XPO4: variants seen among roughly 807,000 people sequenced by gnomAD.
XPO4 encodes the protein exportin-4.
XPO4 carries 39 observed loss-of-function variants against 143.0 expected under a neutral mutation model. That is an observed-to-expected ratio of 0.27 (90% CI 0.21 to 0.36). The LOEUF (loss-of-function observed/expected upper bound fraction) is 0.36, where lower values mean the gene tolerates loss of function less well. Among genes scored for constraint, XPO4 ranks in the 10% least tolerant of loss-of-function variants. The pLI is 1.00. For synonymous variants in XPO4, 439 were observed against 474.0 expected (o/e 0.93, Z 0.96); for missense variants, 907 against 1,348.0 (o/e 0.67, Z 5.12).
chr13:20,901,617 T>A (rs1482882798), intron 1 of XPO4, among the ~76,000 whole-genome samples: 2 of 152,236 alleles, frequency 1.3e-5, no homozygotes, highest in Non-Finnish European at 2.9e-5. Flanking sequence ...GACTTCTCGA[T>A]TTCTAAAGAA....
intron 1 of XPO4, among the ~76,000 whole-genome samples, chr13:20,900,933 C>T (rs527935952): frequency 6.6e-6 from 1 of 152,186 alleles, no homozygotes; most frequent in Admixed American, 6.6e-5. Flanking sequence ...TTTTTAATAA[C>T]ATGACACTTT....
intron 4 of XPO4, chr13:20,849,104 C>T (rs1176128088): frequency 1.3e-5 from 13 of 985,298 alleles, no homozygotes; most frequent in African/African-American, 1.7e-5. Flanking sequence ...ACACTAACTC[C>T]AGCTGACAAA....
intron 4 of XPO4, among the ~76,000 whole-genome samples, chr13:20,846,367 G>A (rs2060029166): frequency 1.3e-5 from 2 of 152,110 alleles, no homozygotes; most frequent in Non-Finnish European, 2.9e-5. Flanking sequence ...AGAGGGGCAG[G>A]GCAACGACAG....
intron 6 of XPO4, among the ~76,000 whole-genome samples, chr13:20,837,177 T>A (rs2059925891): frequency 6.6e-6 from 1 of 152,208 alleles, no homozygotes; most frequent in African/African-American, 2.4e-5. Flanking sequence ...TGACTATTGA[T>A]ACTTTGGGCC....
intron 1 of XPO4, among the ~76,000 whole-genome samples, chr13:20,889,051 G>A (rs373898904): frequency 1.3e-5 from 2 of 152,100 alleles, no homozygotes; most frequent in South Asian, 2.1e-4. Flanking sequence ...GACCTCAAGT[G>A]ATCCACCCAC....
At chr13:20,811,288 C>CTTT (rs769614867) in intron 9 of XPO4, among the ~76,000 whole-genome samples, 1 of 136,720 alleles carries the variant, frequency 7.3e-6, no homozygotes, top group African/African-American at 2.7e-5. Context: ...ATGCTTTTTT[C>CTTT]TTTTTTTTTT....
chr13:20,802,044 C>T (rs2059440489), intron 13 of XPO4, among the ~76,000 whole-genome samples: 1 of 152,092 alleles, frequency 6.6e-6, no homozygotes, highest in Admixed American at 6.6e-5. Context: ...TAAGGTTCCA[C>T]CCCAGAATCT....
At chr13:20,810,251 TTAAAA>T (rs1229712266) in intron 9 of XPO4, among the ~76,000 whole-genome samples, 3 of 152,066 alleles carry the variant, frequency 2.0e-5, no homozygotes, top group Non-Finnish European at 4.4e-5. Flanking sequence ...AAGAGAATTG[TTAAAA>T]TAAAAAAAAA....
In XPO4 at chr13:20,780,398, G is replaced by T. The variant is rs1222213648; in HGVS notation, c.*3324C>A. 6.6e-6 allele frequency: 1 copy of T among 152,084 alleles called. No individual in the cohort carries two copies. Among genetic ancestry groups the T allele is most frequent in the Non-Finnish European group, 1.5e-5 (1 of 68,028 alleles). 9.4% of individuals were successfully genotyped at this position (152,084 alleles called of 1,614,324 possible). A position where few individuals can be genotyped will look rare whatever the true frequency, so the allele number is the denominator to read the frequency against. ...AGCTAGTTCCCTTCAATACTTTAGG[G>T]GTTCATAGAAGTATTAACAGAAATG... On this transcript the variant is annotated 3_prime_UTR_variant, in exon 23 of 23. Transcript: ENST00000255305.
intron 4 of XPO4, among the ~76,000 whole-genome samples, chr13:20,853,943 T>C (rs1177760870): frequency 1.3e-5 from 2 of 152,108 alleles, no homozygotes; most frequent in African/African-American, 2.4e-5. Context: ...GCCACAAAAA[T>C]GGCATAAAAC....
At chr13:20,788,779 G>A (rs2059240343) in intron 19 of XPO4, among the ~76,000 whole-genome samples, 163 bp from the exon 20 acceptor site, 2 of 152,064 alleles carry the variant, frequency 1.3e-5, no homozygotes, top group South Asian at 4.2e-4. Context: ...TGTAAAAACA[G>A]GTACAAATAA....
rs576765525 is a variant in XPO4, at chr13:20,851,122, A to G, written c.456+4505T>C. The G allele has an allele frequency of 8.1e-4, 799 of 985,404 alleles. No homozygotes were observed. The Middle Eastern group carries it at 0.019, about 23-fold the overall frequency. 61.0% of individuals were successfully genotyped at this position (985,404 alleles called of 1,614,324 possible). A position where few individuals can be genotyped will look rare whatever the true frequency, so the allele number is the denominator to read the frequency against. On this transcript the variant is annotated intron_variant, in intron 4 of 22. Transcript: ENST00000255305. ...ATCTGAGACTATGAAAACATTAAGT[A>G]AATTCTTGAACCACTTACAAATTCT...
At chr13:20,869,616 T>C (rs1595147526) in intron 1 of XPO4, 2 of 781,208 alleles carry the variant, frequency 2.6e-6, no homozygotes, top group African/African-American at 1.9e-5. Context: ...ATAAATTATA[T>C]CAATTATGCA....
chr13:20,859,852 C>G lies in XPO4; in HGVS notation c.317+2865G>C, dbSNP rs2060180426. ...GCGATTATTTTGGATAATATAAGAG[C>G]CAGACACATATACATAATGAAAATT... On this transcript the variant is annotated intron_variant, in intron 3 of 22. Coordinates refer to ENST00000255305, the MANE Select transcript of XPO4 (RefSeq NM_022459.5). The G allele has an allele frequency of 1.5e-5, 15 of 979,368 alleles. No homozygotes were observed. The South Asian group carries it at 6.6e-4, about 43-fold the overall frequency. The allele number at this position is 979,368 out of a possible 1,614,324, so 60.7% of individuals were successfully genotyped here.
chr13:20,808,970 T>G (rs1343486834), intron 11 of XPO4, 113 bp downstream of exon 11: 1 of 1,204,210 alleles, frequency 8.3e-7, no homozygotes, highest in South Asian at 1.5e-5. Context: ...TTTGTTCCAG[T>G]GTGCTGGGAC....
chr13:20,854,065 TAGAC>T (rs2060116848), intron 4 of XPO4, among the ~76,000 whole-genome samples: 2 of 152,226 alleles, frequency 1.3e-5, no homozygotes, highest in African/African-American at 4.8e-5. Context: ...GTGTGCATTT[TAGAC>T]AGACATAGTA....
chr13:20,896,067 C>A (rs1018589782), intron 1 of XPO4, among the ~76,000 whole-genome samples: 1 of 152,178 alleles, frequency 6.6e-6, no homozygotes. Context: ...GCATACTTCC[C>A]TATACCTTTA....
chr13:20,882,336 T>G (rs1278002559), intron 1 of XPO4, among the ~76,000 whole-genome samples: 1 of 152,048 alleles, frequency 6.6e-6, no homozygotes, highest in East Asian at 1.9e-4. Context: ...CAGCTTCTGG[T>G]GAGACCAAGA....
intron 6 of XPO4, among the ~76,000 whole-genome samples, chr13:20,833,047 G>A (rs9509389): frequency 0.37 from 55,538 of 151,962 alleles, 11,602 homozygotes; most frequent in Non-Finnish European, 0.48. Context: ...AAACATTCTT[G>A]TTACAAAATG....
Sources: allele counts gnomAD v4.1 joint callset (sites outside exome capture counted in the v4.1 genomes callset), GRCh38; gene constraint gnomAD v4.1.1; transcripts MANE v1.5; gene names NCBI Gene and HGNC (gene_info 2026-07-23, HGNC 2026-07-21).